Variants in HPSE observed in about 807,000 individuals in gnomAD.
HPSE encodes the protein endo-glucoronidase.
HPSE carries 48 observed loss-of-function variants against 65.1 expected under a neutral mutation model. That is an observed-to-expected ratio of 0.74 (90% confidence interval 0.58 to 0.94). The LOEUF (loss-of-function observed/expected upper bound fraction) is 0.94, where lower values mean the gene tolerates loss of function less well. HPSE is among the 40% of genes least tolerant of loss of function. HPSE has a pLI of 0.00. For synonymous variants in HPSE, 243 were observed against 260.0 expected (o/e 0.93, Z 0.63); for missense variants, 644 against 637.5 (o/e 1.01, Z -0.11).
At position 83,301,082 on chromosome 4, in the gene HPSE, T is replaced by G. The variant is rs780611473; in HGVS notation, c.1350A>C (p.Leu450Phe). ...TATGGAGGTTTATGGCATACAGAGT[T>G]AAATCTCCTTCTTTATACCTTGGAC... ...TDNPRYKEGD[L>F]TLYAINLHNV... Residue 450 changes from leucine to phenylalanine, a missense_variant, in exon 11 of 12, where the codon TTA becomes TTC. Transcript: ENST00000311412. 1 of 1,599,980 alleles carries G rather than the reference T, an allele frequency of 6.3e-7. No homozygotes were observed. The highest frequency in any genetic ancestry group is 8.5e-7 in the Non-Finnish European group (1 of 1,172,868).
chr4:83,300,642 C>T lies in HPSE; in HGVS notation c.1472+318G>A, dbSNP rs1225385646. Among the ~76,000 whole-genome samples, 22 of 24,980 alleles carry T rather than the reference C, an allele frequency of 8.8e-4. 8 individuals are homozygous for T. In the East Asian group the frequency reaches 0.044, roughly 50 times the overall value. The allele number at this position is 24,980 out of a possible 152,430, so 16.4% of individuals were successfully genotyped here. A position where few individuals can be genotyped will look rare whatever the true frequency, so the allele number is the denominator to read the frequency against. On this transcript the variant is annotated intron_variant, in intron 11 of 11. Transcript: ENST00000311412. The stretch of plus-strand genomic sequence containing the variant: ...CATCCGGGCTAAAACGGTGAAACCC[C>T]GTCTCTACTAAAAATACAAAAAATT...
chr4:83,331,736 C>T (rs1057033928), intron 1 of HPSE, among the ~76,000 whole-genome samples: 13 of 152,140 alleles, frequency 8.5e-5, no homozygotes, highest in African/African-American at 3.1e-4. Context: ...CTTTGAAGTA[C>T]CTTAGATGAA....
At chr4:83,332,811 C>A (rs939684343) in intron 1 of HPSE, among the ~76,000 whole-genome samples, 2 of 152,190 alleles carry the variant, frequency 1.3e-5, no homozygotes, top group African/African-American at 4.8e-5. Context: ...CCCCATCTGT[C>A]CTTTCTTGGG....
chr4:83,312,899 G>A (rs538305145), intron 4 of HPSE, among the ~76,000 whole-genome samples: 1 of 78,610 alleles, frequency 1.3e-5, no homozygotes, highest in African/African-American at 6.0e-5. Flanking sequence ...GCGGGTGCCT[G>A]TAGTCCCAGC....
chr4:83,324,113 C>CTTTTTTTTTTTTTTTT (rs398051210), intron 1 of HPSE, among the ~76,000 whole-genome samples: 1 of 74,742 alleles, frequency 1.3e-5, no homozygotes, highest in African/African-American at 5.2e-5. Flanking sequence ...TCTTCTTCTT[C>CTTTTTTTTTTTTTTTT]TTTTTTTTTT....
At chr4:83,322,122 T>C (rs1244268513) in intron 2 of HPSE, 97 bp downstream of exon 2, 2 of 996,308 alleles carry the variant, frequency 2.0e-6, no homozygotes, top group African/African-American at 3.3e-5. Context: ...GTTAATCTCA[T>C]TAATTGTTAG....
At position 83,309,511 on chromosome 4, in the gene HPSE, A is replaced by G. The variant is rs1487065464; in HGVS notation, c.891-16T>C. The stretch of plus-strand genomic sequence containing the variant: ...CAAATAGTAGCTAAATTACACAGAA[A>G]ATATTCAGAAAAAAAATAACAAATT... On this transcript the variant is annotated splice_polypyrimidine_tract_variant and intron_variant, in intron 6 of 11. Transcript: ENST00000311412. The G allele has an allele frequency of 2.3e-6, 3 of 1,294,212 alleles. No homozygotes were observed. The South Asian group carries it at 3.8e-5, about 16-fold the overall frequency. The allele number at this position is 1,294,212 out of a possible 1,614,324, so 80.2% of individuals were successfully genotyped here.
At chr4:83,324,359 A>G (rs1340863733) in intron 1 of HPSE, among the ~76,000 whole-genome samples, 1 of 152,138 alleles carries the variant, frequency 6.6e-6, no homozygotes, top group Non-Finnish European at 1.5e-5. Context: ...AGATGTGCTC[A>G]TGCTTAATTA....
chr4:83,308,640 C>G (rs147453874), intron 8 of HPSE, among the ~76,000 whole-genome samples: 347 of 152,284 alleles, frequency 2.3e-3, no homozygotes, highest in African/African-American at 8.0e-3. Context: ...ACAATTCATC[C>G]TTATAGTGAT....
chr4:83,306,167 T>C, intron 9 of HPSE, 36 bp downstream of exon 9: 1 of 1,264,922 alleles, frequency 7.9e-7, no homozygotes, highest in South Asian at 1.2e-5. Flanking sequence ...GACTTTAATC[T>C]ACTCCACTAG....
intron 3 of HPSE, among the ~76,000 whole-genome samples, chr4:83,316,412 C>T (rs1398538568): frequency 1.3e-5 from 2 of 151,850 alleles, no homozygotes; most frequent in African/African-American, 4.8e-5. Flanking sequence ...CAATTTAAAA[C>T]TTACAATTCA....
intron 4 of HPSE, among the ~76,000 whole-genome samples, chr4:83,311,449 G>C (rs1736372259): frequency 6.6e-6 from 1 of 152,044 alleles, no homozygotes; most frequent in African/African-American, 2.4e-5. Flanking sequence ...ATAAACCAAT[G>C]GATATGGATA....
chr4:83,309,011 T>C (rs1390451657), intron 7 of HPSE, 60 bp from the exon 8 acceptor site: 4 of 1,356,722 alleles, frequency 2.9e-6, no homozygotes, highest in Non-Finnish European at 4.2e-6. Flanking sequence ...GTTTCAACTG[T>C]GGTGTTGAAG....
At chr4:83,307,500 C>T (rs1044208192) in intron 8 of HPSE, among the ~76,000 whole-genome samples, 1 of 152,206 alleles carries the variant, frequency 6.6e-6, no homozygotes, top group African/African-American at 2.4e-5. Flanking sequence ...AGAGGTATCC[C>T]TTTCAGGGTG....
rs201897274 is a variant in HPSE, at chr4:83,302,128, A to G, written c.1325+22T>C. ...TACCCACTAAAACTTGATGATTGGT[A>G]AAGGGTGTGTTTCATACTTACTTGT... On this transcript the variant is annotated intron_variant, in intron 10 of 11. Transcript: ENST00000311412. The G allele has an allele frequency of 2.7e-4, 403 of 1,495,860 alleles. 1 individual carries two copies. The highest frequency in any genetic ancestry group is 9.1e-5 in the Non-Finnish European group (98 of 1,072,936). 92.7% of individuals were successfully genotyped at this position (1,495,860 alleles called of 1,614,324 possible).
intron 7 of HPSE, 149 bp from the exon 8 acceptor site, chr4:83,309,100 T>C (rs1449327583): frequency 3.0e-6 from 2 of 662,472 alleles, no homozygotes; most frequent in Non-Finnish European, 5.2e-6. Context: ...GTCATTTAGG[T>C]CTTGGGAAAC....
intron 1 of HPSE, among the ~76,000 whole-genome samples, chr4:83,332,904 C>T (rs1560517982): frequency 6.6e-6 from 1 of 151,730 alleles, no homozygotes; most frequent in Non-Finnish European, 1.5e-5. Context: ...CTACTTCATA[C>T]CCATGTTCAG....
intron 11 of HPSE, among the ~76,000 whole-genome samples, chr4:83,298,690 T>C (rs1317241560): frequency 6.6e-6 from 1 of 151,928 alleles, no homozygotes; most frequent in Non-Finnish European, 1.5e-5. Flanking sequence ...TAGCCAGGTG[T>C]GGTAGCATAA....
Position 83,334,762 on chromosome 4 carries a change from A to G in HPSE, c.21T>C (p.Pro7=). ...GCAGCATCAGCGGCGGCGGCAGCGC[A>G]GGCTTCGAGCGCAGCAGCATCTTGG... MLLRSK[P]ALPPPLMLLL... is the part of the protein sequence containing the mutation. Residue 7 remains proline, a synonymous_variant, in exon 1 of 12, where the codon CCT becomes CCC. Transcript: ENST00000311412. 2.6e-6 allele frequency: 4 copies of G among 1,549,922 alleles called. No homozygotes were observed. Among genetic ancestry groups the G allele is most frequent in the Non-Finnish European group, 3.5e-6 (4 of 1,146,866 alleles).
Sources: gnomAD v4.1 joint callset for allele counts (sites outside exome capture counted in the v4.1 genomes callset) on GRCh38, gnomAD v4.1.1 for gene constraint, MANE v1.5 for transcripts, NCBI Gene and HGNC (gene_info 2026-07-23, HGNC 2026-07-21) for gene names.